Variants in RSRC1 observed in about 807,000 individuals in gnomAD.
RSRC1 encodes serine/Arginine-related protein 53.
A neutral mutation model predicts 49.1 loss-of-function variants in RSRC1; 39 were observed. That is an observed-to-expected ratio of 0.79 (90% CI 0.61 to 1.04). The LOEUF (loss-of-function observed/expected upper bound fraction) is 1.04, where lower values mean the gene tolerates loss of function less well. RSRC1 is among the 50% of genes least tolerant of loss of function. The pLI, the probability that RSRC1 is intolerant of heterozygous loss-of-function variation, is 0.00. For missense variants in RSRC1, 388 were observed against 402.4 expected (o/e 0.96, Z 0.31); for synonymous variants, 143 against 130.8 (o/e 1.09, Z -0.63).
intron 4 of RSRC1, among the ~76,000 whole-genome samples, chr3:158,229,150 A>G (rs1309785683): frequency 6.7e-6 from 1 of 148,760 alleles, no homozygotes; most frequent in Non-Finnish European, 1.5e-5. Flanking sequence ...AAACATACAT[A>G]CGTGTATATA....
intron 4 of RSRC1, among the ~76,000 whole-genome samples, chr3:158,221,659 G>C (rs961076169): frequency 4.0e-5 from 6 of 151,282 alleles, no homozygotes; most frequent in African/African-American, 1.5e-4. Context: ...AAGATTTGTA[G>C]GGCCTACTCC....
At chr3:158,350,305 G>A (rs780514788) in intron 5 of RSRC1, among the ~76,000 whole-genome samples, 95 of 151,680 alleles carry the variant, frequency 6.3e-4, no homozygotes, top group African/African-American at 2.2e-3. Context: ...AGTCTCTCAA[G>A]TAGCTGGGAC....
chr3:158,234,986 A>G (rs1723161808), intron 4 of RSRC1, among the ~76,000 whole-genome samples: 1 of 152,280 alleles, frequency 6.6e-6, no homozygotes. Flanking sequence ...AATATAGCCC[A>G]GAGCATGAGG....
intron 7 of RSRC1, among the ~76,000 whole-genome samples, chr3:158,527,713 A>G (rs1712129155): frequency 6.6e-6 from 1 of 152,002 alleles, no homozygotes; most frequent in East Asian, 1.9e-4. Context: ...AACATGAGAC[A>G]GTAAACCTGG....
intron 6 of RSRC1, among the ~76,000 whole-genome samples, chr3:158,460,209 C>T (rs941492158): frequency 2.6e-5 from 4 of 151,878 alleles, no homozygotes; most frequent in African/African-American, 7.2e-5. Flanking sequence ...GGCAGTGAGA[C>T]GGCAATAAAG....
intron 5 of RSRC1, among the ~76,000 whole-genome samples, chr3:158,325,100 T>C (rs974949896): frequency 1.4e-4 from 22 of 152,224 alleles, no homozygotes; most frequent in Admixed American, 7.2e-4. Flanking sequence ...GTAACTTTGT[T>C]TGAGTTCTTT....
chr3:158,166,342 A>G (rs910435441), intron 3 of RSRC1, among the ~76,000 whole-genome samples: 3 of 152,286 alleles, frequency 2.0e-5, no homozygotes, highest in Middle Eastern at 3.4e-3. Context: ...TTAGCTAAGC[A>G]TCTGTAAAGG....
rs1007290925 is a variant in RSRC1 at position 158,121,078 on chromosome 3, A to T, written c.-2-1025A>T. Among the ~76,000 whole-genome samples the T allele has an allele frequency of 4.6e-5, 7 of 151,874 alleles. 1 individual carries two copies. Among genetic ancestry groups the T allele is most frequent in the Admixed American group, 4.6e-4 (7 of 15,250 alleles). ...AAAAACTATATTTTATATTATGAAA[A>T]TTATATTGCATCATTTAAATACTAA... On this transcript the variant is annotated intron_variant, in intron 1 of 9. Coordinates refer to ENST00000611884, the MANE Select transcript of RSRC1 (RefSeq NM_001271838.2).
chr3:158,166,384 A>G (rs751145920), intron 3 of RSRC1, among the ~76,000 whole-genome samples: 6 of 152,168 alleles, frequency 3.9e-5, no homozygotes. Context: ...TGTTACACGT[A>G]ATCATAACCA....
chr3:158,533,187 A>C (rs928531512), intron 7 of RSRC1, among the ~76,000 whole-genome samples: 7 of 151,786 alleles, frequency 4.6e-5, no homozygotes, highest in African/African-American at 1.7e-4. Context: ...AGGTACTGTA[A>C]AGCTGAAAAT....
intron 3 of RSRC1, among the ~76,000 whole-genome samples, chr3:158,180,804 C>CTTTTTT (rs71144445): frequency 9.3e-6 from 1 of 107,414 alleles, no homozygotes; most frequent in Non-Finnish European, 1.8e-5. Flanking sequence ...GGATTATATG[C>CTTTTTT]TTTTTTTTTT....
At chr3:158,240,647 T>C (rs1723519442) in intron 4 of RSRC1, among the ~76,000 whole-genome samples, 1 of 152,218 alleles carries the variant, frequency 6.6e-6, no homozygotes, top group South Asian at 2.1e-4. Flanking sequence ...GTGGTTTTGC[T>C]TTCCAGGATT....
intron 7 of RSRC1, among the ~76,000 whole-genome samples, chr3:158,525,193 T>C (rs184115468): frequency 7.2e-5 from 11 of 152,072 alleles, no homozygotes; most frequent in Middle Eastern, 3.4e-3. Flanking sequence ...CAATTCCGTA[T>C]ATATAAAGAA....
intron 7 of RSRC1, among the ~76,000 whole-genome samples, chr3:158,501,225 G>A (rs546191504): frequency 6.6e-6 from 1 of 152,210 alleles, no homozygotes; most frequent in African/African-American, 2.4e-5. Context: ...CTGAGAGAAT[G>A]CTTGATAAAA....
intron 6 of RSRC1, among the ~76,000 whole-genome samples, chr3:158,436,725 C>A (rs929088470): frequency 1.3e-4 from 19 of 151,686 alleles, no homozygotes; most frequent in Non-Finnish European, 2.5e-4. Flanking sequence ...AAGCTAATAT[C>A]TATAAAGGTA....
At chr3:158,326,258 A>C (rs1236208012) in intron 5 of RSRC1, among the ~76,000 whole-genome samples, 2 of 152,200 alleles carry the variant, frequency 1.3e-5, no homozygotes, top group Non-Finnish European at 2.9e-5. Flanking sequence ...CAGAACTTCC[A>C]ACACTATGTT....
chr3:158,393,491 A>C (rs1272915082), intron 6 of RSRC1, among the ~76,000 whole-genome samples: 1 of 151,900 alleles, frequency 6.6e-6, no homozygotes, highest in African/African-American at 2.4e-5. Context: ...CATTACTACC[A>C]ACCCCACAGA....
chr3:158,263,578 G>A (rs1725011827), intron 4 of RSRC1, among the ~76,000 whole-genome samples: 1 of 152,128 alleles, frequency 6.6e-6, no homozygotes. Context: ...TTTTTTGGAA[G>A]AGTGTGTAGA....
chr3:158,376,190 G>T (rs1293106521), intron 6 of RSRC1, among the ~76,000 whole-genome samples: 126 of 71,346 alleles, frequency 1.8e-3, no homozygotes, highest in South Asian at 9.7e-3. Flanking sequence ...CCTTCCTTTC[G>T]TTTTTTTTTT....
Sources: allele counts gnomAD v4.1 joint callset (sites outside exome capture counted in the v4.1 genomes callset), GRCh38; gene constraint gnomAD v4.1.1; transcripts MANE v1.5; gene names NCBI Gene and HGNC (gene_info 2026-07-23, HGNC 2026-07-21).